The following TBC1D1 variants were observed in gnomAD, a reference collection of about 807,000 sequenced individuals.
The protein encoded by TBC1D1 is TBC1 domain family member 1.
In TBC1D1, 89 loss-of-function variants were observed where a neutral mutation model predicts 125.6. The observed-to-expected ratio is 0.71, with a 90% CI of 0.60 to 0.85. The LOEUF (loss-of-function observed/expected upper bound fraction) is 0.85. Ranked by LOEUF, TBC1D1 falls within the 40% of genes least tolerant of loss-of-function variation. The pLI, the probability that TBC1D1 is intolerant of heterozygous loss-of-function variation, is 0.00. For missense variants in TBC1D1, 1,377 were observed against 1,469.2 expected, an observed-to-expected ratio of 0.94 and a Z score of 1.03; for synonymous variants, 565 against 564.1, an observed-to-expected ratio of 1.00 and a Z score of -0.02.
intron 14 of TBC1D1, among the ~76,000 whole-genome samples, chr4:38,099,615 A>G (rs2152553082): frequency 6.6e-6 from 1 of 152,294 alleles, no homozygotes; most frequent in South Asian, 2.1e-4. Flanking sequence ...CACCACTTTT[A>G]AACAGTGAGT....
chr4:37,981,195 C>T lies in TBC1D1; in HGVS notation c.418-33314C>T, dbSNP rs6835271. Among the ~76,000 whole-genome samples the T allele has an allele frequency of 1.1e-3, 161 of 152,234 alleles. 2 individuals carry two copies. The highest frequency in any genetic ancestry group is 3.7e-3 in the African/African-American group (152 of 41,548). ...TGACCTCAAGTGATCTGCCCACCTC[C>T]GCCTCCCAAAGTGTTGGGATTACAG... is the stretch of plus-strand genomic sequence containing the variant. On this transcript the variant is annotated intron_variant, in intron 2 of 19. Coordinates refer to ENST00000261439, the MANE Select transcript of TBC1D1 (RefSeq NM_015173.4).
rs186093550 is a variant in TBC1D1 at position 38,024,940 on chromosome 4, C to T, written c.1211-2848C>T. ...AATCTATAAGATAGAATCAATAACG[C>T]TGTTGATGTTGATTAGCTGCACTCT... On this transcript the variant is annotated intron_variant, in intron 6 of 19. Coordinates refer to ENST00000261439, the MANE Select transcript of TBC1D1 (RefSeq NM_015173.4). 2.6e-5 allele frequency among the ~76,000 whole-genome samples: 4 copies of T among 152,306 alleles called. No homozygotes were observed. In the East Asian group the frequency reaches 7.7e-4, roughly 29 times the overall value.
intron 14 of TBC1D1, among the ~76,000 whole-genome samples, chr4:38,098,215 T>C (rs1394477021): frequency 1.3e-5 from 2 of 152,256 alleles, no homozygotes; most frequent in Admixed American, 1.3e-4. Context: ...TCCTTGCACC[T>C]GTACTTTTTC....
intron 2 of TBC1D1, among the ~76,000 whole-genome samples, chr4:37,942,124 T>A (rs1725689726): frequency 6.6e-6 from 1 of 152,174 alleles, no homozygotes. Flanking sequence ...GACAGTGGGG[T>A]GTTAAAGTCT....
At chr4:38,111,905 G>A in intron 15 of TBC1D1, 1 of 985,344 alleles carries the variant, frequency 1.0e-6, no homozygotes, top group Non-Finnish European at 1.2e-6. Context: ...GAGACTCACA[G>A]CTGTTCCCCA....
intron 13 of TBC1D1, among the ~76,000 whole-genome samples, chr4:38,092,344 C>G (rs931625117): frequency 3.9e-5 from 6 of 152,100 alleles, no homozygotes; most frequent in Non-Finnish European, 7.3e-5. Flanking sequence ...AAAAACATCA[C>G]CAAACTTCTA....
intron 2 of TBC1D1, among the ~76,000 whole-genome samples, chr4:37,981,028 TG>T (rs1734242296): frequency 6.6e-6 from 1 of 152,088 alleles, no homozygotes; most frequent in Admixed American, 6.6e-5. Flanking sequence ...CTGCAACCTC[TG>T]CCTCCTGGGT....
rs371955353 is a variant in TBC1D1, at chr4:38,124,944, A to T, written c.2963-18A>T. On this transcript the variant is annotated intron_variant, in intron 17 of 19. Transcript: ENST00000261439. ...AAACTGGTCTGGTTTAACTTTCTGC[A>T]TTTCTGTGTTTTCTCAGATATGATT... 4.5e-5 allele frequency: 73 copies of T among 1,611,952 alleles called. No individual in the cohort carries two copies. The African/African-American group carries it at 8.4e-4, about 19-fold the overall frequency.
At chr4:38,106,128 G>A (rs1160318176) in intron 15 of TBC1D1, among the ~76,000 whole-genome samples, 1 of 152,064 alleles carries the variant, frequency 6.6e-6, no homozygotes, top group Non-Finnish European at 1.5e-5. Context: ...TTATACCCTC[G>A]GCTTCTAGGA....
At chr4:38,115,105 T>C (rs938889444) in intron 15 of TBC1D1, among the ~76,000 whole-genome samples, 55 of 70,780 alleles carry the variant, frequency 7.8e-4, no homozygotes, top group Non-Finnish European at 3.0e-4. Context: ...TTTCTTTTTT[T>C]TTTTTTTTTT....
At chr4:38,104,728 A>G (rs1760973500) in intron 15 of TBC1D1, among the ~76,000 whole-genome samples, 1 of 150,850 alleles carries the variant, frequency 6.6e-6, no homozygotes, top group Non-Finnish European at 1.5e-5. Flanking sequence ...CTTAAAGGTT[A>G]ATTTCATAAC....
chr4:37,917,006 A>G (rs1051341309), intron 2 of TBC1D1, among the ~76,000 whole-genome samples: 7 of 150,900 alleles, frequency 4.6e-5, no homozygotes, highest in African/African-American at 1.7e-4. Flanking sequence ...TCTGACCTCA[A>G]GTGATTCGCC....
At position 38,090,075 on chromosome 4, in the gene TBC1D1, A is replaced by T. The variant is rs566923605; in HGVS notation, c.2194A>T (p.Ile732Leu). Residue 732 changes from isoleucine (I) to leucine (L), a missense_variant, in exon 13 of 20, where the codon ATA (isoleucine) becomes TTA (leucine). Ile to Leu is a conservative substitution (Grantham distance 5). This residue lies in a region of TBC1D1 where 543 missense variants were observed against 613.5 expected (regional missense o/e 0.89). Transcript: ENST00000261439. ...GTGGCAAAAGGCTATTCTTCAACAG[A>T]TACTGCTGCTTAGAATGGAGAAGGA... 3 of 1,614,084 alleles carry T rather than the reference A, an allele frequency of 1.9e-6. No individual in the cohort carries two copies. The Admixed American group carries it at 5.0e-5, about 27-fold the overall frequency.
At chr4:37,967,785 C>G (rs927374729) in intron 2 of TBC1D1, among the ~76,000 whole-genome samples, 2 of 152,144 alleles carry the variant, frequency 1.3e-5, no homozygotes, top group African/African-American at 2.4e-5. Flanking sequence ...AATGTTTCCA[C>G]TATGAATTAT....
chr4:38,070,442 G>A (rs1470101333), intron 12 of TBC1D1, among the ~76,000 whole-genome samples: 1 of 152,216 alleles, frequency 6.6e-6, no homozygotes, highest in African/African-American at 2.4e-5. Context: ...CCCGGCCATG[G>A]GGAGGCCTCA....
chr4:38,047,989 C>G (rs1749807013), intron 10 of TBC1D1, among the ~76,000 whole-genome samples: 1 of 152,110 alleles, frequency 6.6e-6, no homozygotes, highest in Non-Finnish European at 1.5e-5. Flanking sequence ...TTCTTCAGGA[C>G]TCGATAGTTG....
At chr4:37,976,412 G>C (rs1347563083) in intron 2 of TBC1D1, among the ~76,000 whole-genome samples, 2 of 152,246 alleles carry the variant, frequency 1.3e-5, no homozygotes, top group Non-Finnish European at 2.9e-5. Context: ...AAGCTTCTCA[G>C]TTTTGGGGTA....
At position 38,130,696 on chromosome 4, in the gene TBC1D1, G is replaced by A. The variant is rs73808208; in HGVS notation, c.3133-2388G>A. 3.4e-3 allele frequency among the ~76,000 whole-genome samples: 522 copies of A among 152,328 alleles called. 2 individuals are homozygous for A. Among genetic ancestry groups the A allele is most frequent in the African/African-American group, 0.012 (503 of 41,580 alleles). On this transcript the variant is annotated intron_variant, in intron 18 of 19. Transcript: ENST00000261439. Reference sequence around the variant, plus strand: ...ACGGCTTAGGCAAGACCCTGGGGGAGGTGGGCACTGCACTTGTCCAGCCTC... The same window carrying A: ...ACGGCTTAGGCAAGACCCTGGGGGAAGTGGGCACTGCACTTGTCCAGCCTC...
At chr4:38,056,089 G>A (rs1751654165) in intron 12 of TBC1D1, among the ~76,000 whole-genome samples, 1 of 152,210 alleles carries the variant, frequency 6.6e-6, no homozygotes, top group Admixed American at 6.5e-5. Context: ...GTTTTCAAAC[G>A]AGCATTCACA....
Sources: allele counts gnomAD v4.1 joint callset (sites outside exome capture counted in the v4.1 genomes callset), GRCh38; gene constraint gnomAD v4.1.1; regional missense constraint gnomAD v4.1.1; transcripts MANE v1.5; gene names NCBI Gene and HGNC (gene_info 2026-07-23, HGNC 2026-07-21).